The following KCNIP4 variants were observed in gnomAD, a reference collection of about 807,000 sequenced individuals.
KCNIP4 encodes the protein potassium voltage-gated channel interacting protein 4, also known as Kv channel-interacting protein 4.
Under a neutral mutation model 34.0 loss-of-function variants are expected in KCNIP4, and 12 were observed. That is an observed-to-expected ratio of 0.35 (90% CI 0.23 to 0.57). The LOEUF (loss-of-function observed/expected upper bound fraction) is 0.57, where lower values mean the gene tolerates loss of function less well. Ranked by LOEUF, KCNIP4 falls within the 20% of genes least tolerant of loss-of-function variation. The pLI, the probability that KCNIP4 is intolerant of heterozygous loss-of-function variation, is 0.83. For synonymous variants in KCNIP4, 124 were observed against 102.2 expected, an observed-to-expected ratio of 1.21 and a Z score of -1.29; for missense variants, 238 against 311.7, an observed-to-expected ratio of 0.76 and a Z score of 1.78.
intron 1 of KCNIP4, among the ~76,000 whole-genome samples, chr4:20,924,997 C>T (rs1205680046): frequency 1.3e-5 from 2 of 151,996 alleles, no homozygotes; most frequent in Non-Finnish European, 2.9e-5. Flanking sequence ...TGCAAAAAAG[C>T]ACTTTTGAAA....
In KCNIP4 at chr4:21,187,130, A is replaced by G. The variant is rs377474549; in HGVS notation, c.62-304421T>C. Among the ~76,000 whole-genome samples the G allele has an allele frequency of 9.6e-4, 146 of 152,292 alleles. 1 individual carries two copies. The highest frequency in any genetic ancestry group is 3.2e-3 in the African/African-American group (132 of 41,558). On this transcript the variant is annotated intron_variant, in intron 1 of 8. Transcript: ENST00000382152. The stretch of plus-strand genomic sequence containing the variant: ...AGAAGTAATTCATTTATTTTGTTAA[A>G]TCTCTAATGTATAGCTTAGCTGAAG...
intron 1 of KCNIP4, among the ~76,000 whole-genome samples, chr4:21,439,303 T>C (rs984876936): frequency 1.3e-5 from 2 of 152,168 alleles, no homozygotes; most frequent in African/African-American, 4.8e-5. Flanking sequence ...AATATCGCCA[T>C]TAAATATTTT....
At chr4:21,796,946 C>G (rs745872702) in intron 1 of KCNIP4, among the ~76,000 whole-genome samples, 38 of 152,264 alleles carry the variant, frequency 2.5e-4, no homozygotes, top group Admixed American at 1.0e-3. Context: ...ATATTGAACG[C>G]TTCTGACATT....
chr4:21,086,538 C>T (rs1746447848), intron 1 of KCNIP4, among the ~76,000 whole-genome samples: 2 of 152,092 alleles, frequency 1.3e-5, no homozygotes, highest in Non-Finnish European at 2.9e-5. Context: ...GCTTACTGTA[C>T]TTTTTCTCAT....
At chr4:21,403,517 A>T (rs1723715746) in intron 1 of KCNIP4, among the ~76,000 whole-genome samples, 1 of 152,210 alleles carries the variant, frequency 6.6e-6, no homozygotes, top group African/African-American at 2.4e-5. Context: ...GACACTGAGT[A>T]TAACCTCATT....
chr4:21,487,231 C>CT (rs1210794516), intron 1 of KCNIP4, among the ~76,000 whole-genome samples: 2 of 152,072 alleles, frequency 1.3e-5, no homozygotes, highest in Non-Finnish European at 2.9e-5. Context: ...CTTTCTCAGA[C>CT]TTTTTTTGTT....
intron 1 of KCNIP4, among the ~76,000 whole-genome samples, chr4:21,545,541 CA>C (rs1738073108): frequency 6.6e-6 from 1 of 152,170 alleles, no homozygotes; most frequent in Non-Finnish European, 1.5e-5. Flanking sequence ...CCCTAGCCCC[CA>C]AACCCACGAC....
intron 5 of KCNIP4, 106 bp downstream of exon 5, chr4:20,749,556 G>A: frequency 1.4e-6 from 1 of 700,042 alleles, no homozygotes; most frequent in South Asian, 2.2e-5. Flanking sequence ...GTGTCCTTGG[G>A]CTTTCTTTCC....
intron 1 of KCNIP4, among the ~76,000 whole-genome samples, chr4:21,075,267 G>T (rs1345931038): frequency 6.6e-6 from 1 of 152,104 alleles, no homozygotes; most frequent in Non-Finnish European, 1.5e-5. Flanking sequence ...TATTGTGTGG[G>T]AGTCTAAGTC....
rs78013696 is a variant in KCNIP4, at chr4:21,836,741, C to T, written c.61+111830G>A. Among the ~76,000 whole-genome samples, 1,279 of 152,030 alleles carry T rather than the reference C, an allele frequency of 8.4e-3. 14 individuals carry two copies. Among genetic ancestry groups the T allele is most frequent in the South Asian group, 0.028 (136 of 4,806 alleles). ...GGAGCTTCTTCCCAGAAGAGCCCAG[C>T]AAATGTCTCCTGGGTTTCAACTAGT... On this transcript the variant is annotated intron_variant, in intron 1 of 8. Coordinates refer to ENST00000382152, the MANE Select transcript of KCNIP4 (RefSeq NM_025221.6).
intron 1 of KCNIP4, among the ~76,000 whole-genome samples, chr4:21,409,049 T>C (rs1724244403): frequency 6.6e-6 from 1 of 151,904 alleles, no homozygotes; most frequent in Non-Finnish European, 1.5e-5. Flanking sequence ...TATATTTAAA[T>C]TTAAAAAAGG....
intron 1 of KCNIP4, among the ~76,000 whole-genome samples, chr4:21,053,010 TACAC>T (rs548441726): frequency 6.6e-6 from 1 of 150,390 alleles, no homozygotes; most frequent in African/African-American, 2.4e-5. Context: ...AAGATATGTA[TACAC>T]ACACACACAC....
intron 1 of KCNIP4, among the ~76,000 whole-genome samples, chr4:21,220,655 G>A (rs1285017301): frequency 6.6e-6 from 1 of 152,034 alleles, no homozygotes; most frequent in South Asian, 2.1e-4. Context: ...GCTACTTGAG[G>A]CTGAGCCTAG....
chr4:20,864,392 T>TTATA (rs529056470), intron 2 of KCNIP4, among the ~76,000 whole-genome samples: 137 of 150,670 alleles, frequency 9.1e-4, no homozygotes, highest in African/African-American at 3.2e-3. Flanking sequence ...TATATACATG[T>TTATA]TATATATATA....
chr4:21,068,083 A>G (rs1411209647), intron 1 of KCNIP4, among the ~76,000 whole-genome samples: 1 of 152,120 alleles, frequency 6.6e-6, no homozygotes, highest in Admixed American at 6.6e-5. Flanking sequence ...CTGTCCTATC[A>G]TTATTCTTCC....
At chr4:21,601,037 C>A (rs1743092215) in intron 1 of KCNIP4, among the ~76,000 whole-genome samples, 1 of 151,632 alleles carries the variant, frequency 6.6e-6, no homozygotes, top group Non-Finnish European at 1.5e-5. Flanking sequence ...AAACAAAAAA[C>A]TGGGTGTCAT....
chr4:21,326,037 C>G (rs77395941), intron 1 of KCNIP4, among the ~76,000 whole-genome samples: 5,400 of 151,802 alleles, frequency 0.036, 200 homozygotes, highest in South Asian at 0.14. Context: ...CCTTGAGAAT[C>G]CATGTGCTTA....
At chr4:21,707,518 T>C (rs368714223) in intron 1 of KCNIP4, among the ~76,000 whole-genome samples, 2 of 150,668 alleles carry the variant, frequency 1.3e-5, no homozygotes, top group South Asian at 4.2e-4. Flanking sequence ...GGACAAATAG[T>C]CCATTGGAAA....
intron 1 of KCNIP4, among the ~76,000 whole-genome samples, chr4:21,584,633 G>A (rs1741478702): frequency 6.6e-6 from 1 of 152,014 alleles, no homozygotes; most frequent in Non-Finnish European, 1.5e-5. Context: ...TCCCCCTTTA[G>A]AGAGAGCAAG....
Sources: gnomAD v4.1 joint callset for allele counts (sites outside exome capture counted in the v4.1 genomes callset) on GRCh38, gnomAD v4.1.1 for gene constraint, MANE v1.5 for transcripts, NCBI Gene and HGNC (gene_info 2026-07-23, HGNC 2026-07-21) for gene names.